The following PTPRE variants were observed in gnomAD, a reference collection of about 807,000 sequenced individuals.
PTPRE encodes protein tyrosine phosphatase receptor type E.
A neutral mutation model predicts 102.0 loss-of-function variants in PTPRE; 51 were observed. That is an observed-to-expected ratio of 0.50 (90% CI 0.40 to 0.63). The LOEUF (loss-of-function observed/expected upper bound fraction) is 0.63, where lower values mean the gene tolerates loss of function less well. Ranked by LOEUF, PTPRE falls within the 30% of genes least tolerant of loss-of-function variation. The pLI, the probability that PTPRE is intolerant of heterozygous loss-of-function variation, is 0.00. For missense variants in PTPRE, 752 were observed against 915.1 expected (o/e 0.82, Z 2.30); for synonymous variants, 345 against 348.2 (o/e 0.99, Z 0.10).
At chr10:127,920,947 A>T (rs7901261) in intron 1 of PTPRE, among the ~76,000 whole-genome samples, 16,606 of 152,186 alleles carry the variant, frequency 0.11, 1,224 homozygotes, top group African/African-American at 0.2. Context: ...CAACCCAGAC[A>T]TGAGTCTCCT....
intron 1 of PTPRE, among the ~76,000 whole-genome samples, chr10:127,938,011 A>G (rs1847957806): frequency 6.6e-6 from 1 of 152,202 alleles, no homozygotes; most frequent in South Asian, 2.1e-4. Context: ...TTTTTAAAAA[A>G]AGAAAGAAGG....
intron 1 of PTPRE, among the ~76,000 whole-genome samples, chr10:127,913,749 G>GGAGCTC (rs899095655): frequency 5.3e-5 from 8 of 152,110 alleles, no homozygotes; most frequent in Non-Finnish European, 1.0e-4. Flanking sequence ...GAAACTCTAG[G>GGAGCTC]GAGCTCCAGC....
intron 1 of PTPRE, among the ~76,000 whole-genome samples, chr10:127,954,597 C>T (rs1479441220): frequency 6.6e-6 from 1 of 152,160 alleles, no homozygotes; most frequent in Non-Finnish European, 1.5e-5. Flanking sequence ...TTCTTCATCA[C>T]CTTGAAGCAG....
chr10:128,028,838 G>C lies in PTPRE; in HGVS notation c.-7-12037G>C, dbSNP rs1262687026. ...GGCCACTCACTTCCACCCTGCCCCG[G>C]CCCAGCCCTGGCCACCCCAGACGTC... On this transcript the variant is annotated intron_variant, in intron 2 of 20. Coordinates refer to ENST00000254667, the MANE Select transcript of PTPRE (RefSeq NM_006504.6). The surrounding 1 kb of genome is among the most constrained non-coding windows in gnomAD (Gnocchi z 4.5). Among the ~76,000 whole-genome samples, 1 of 152,078 alleles carries C rather than the reference G, an allele frequency of 6.6e-6. No homozygotes were observed. Among genetic ancestry groups the C allele is most frequent in the Admixed American group, 6.6e-5 (1 of 15,258 alleles).
At chr10:128,009,240 T>C (rs944798946) in intron 2 of PTPRE, among the ~76,000 whole-genome samples, 1 of 152,228 alleles carries the variant, frequency 6.6e-6, no homozygotes, top group Non-Finnish European at 1.5e-5. Flanking sequence ...TGTCAGTGCA[T>C]AATAAGAGAA....
At chr10:128,006,459 G>A (rs1324722143) in intron 2 of PTPRE, among the ~76,000 whole-genome samples, 2 of 152,312 alleles carry the variant, frequency 1.3e-5, no homozygotes, top group Non-Finnish European at 2.9e-5. Flanking sequence ...TCTGTTTCCT[G>A]TCTGAACTAA....
At chr10:128,006,405 C>T (rs958833997) in intron 2 of PTPRE, among the ~76,000 whole-genome samples, 1 of 152,218 alleles carries the variant, frequency 6.6e-6, no homozygotes, top group Admixed American at 6.5e-5. Flanking sequence ...GTAGGTGCCT[C>T]TCAGGTACTT....
chr10:127,931,026 C>T (rs1397482836), intron 1 of PTPRE, among the ~76,000 whole-genome samples: 1 of 152,008 alleles, frequency 6.6e-6, no homozygotes, highest in Non-Finnish European at 1.5e-5. Flanking sequence ...CTCCTGACCT[C>T]GTGATCCACC....
At chr10:128,067,691 C>G (rs1020661110) in intron 11 of PTPRE, among the ~76,000 whole-genome samples, 1 of 152,226 alleles carries the variant, frequency 6.6e-6, no homozygotes, top group Non-Finnish European at 1.5e-5. Flanking sequence ...AAAGAGCAGG[C>G]CGACTGCATC....
chr10:127,937,784 A>G (rs539665639), intron 1 of PTPRE, among the ~76,000 whole-genome samples: 1 of 152,202 alleles, frequency 6.6e-6, no homozygotes, highest in East Asian at 1.9e-4. Context: ...GCTTGAACCC[A>G]GGAGGCTGAG....
intron 1 of PTPRE, among the ~76,000 whole-genome samples, chr10:127,955,539 CCT>C (rs1849343663): frequency 6.6e-6 from 1 of 152,126 alleles, no homozygotes. Flanking sequence ...TATTTTCATT[CCT>C]CTCTTATTCT....
At chr10:128,026,114 CCTGACT>C (rs1438712316) in intron 2 of PTPRE, among the ~76,000 whole-genome samples, 1 of 152,202 alleles carries the variant, frequency 6.6e-6, no homozygotes, top group East Asian at 1.9e-4. Flanking sequence ...GGCTATGTGG[CCTGACT>C]CTGCACGGCC....
At chr10:128,039,989 A>G (rs1008781629) in intron 2 of PTPRE, among the ~76,000 whole-genome samples, 8 of 152,082 alleles carry the variant, frequency 5.3e-5, no homozygotes, top group Non-Finnish European at 1.0e-4. Context: ...GATGGCCCAC[A>G]GGTCCTCAGC....
At chr10:127,931,585 C>T (rs1338452195) in intron 1 of PTPRE, among the ~76,000 whole-genome samples, 5 of 152,318 alleles carry the variant, frequency 3.3e-5, no homozygotes, top group South Asian at 2.1e-4. Flanking sequence ...ATGCCCCCTT[C>T]CCAGGAGCAG....
At chr10:127,992,858 T>G (rs1310172790) in intron 2 of PTPRE, among the ~76,000 whole-genome samples, 1 of 152,218 alleles carries the variant, frequency 6.6e-6, no homozygotes, top group Non-Finnish European at 1.5e-5. Flanking sequence ...GCCCAGGCAT[T>G]TGTAATAACC....
At chr10:127,932,504 C>T (rs1847519284) in intron 1 of PTPRE, among the ~76,000 whole-genome samples, 2 of 152,230 alleles carry the variant, frequency 1.3e-5, no homozygotes, top group South Asian at 2.1e-4. Flanking sequence ...AAGGGCTGCA[C>T]GGAGTTTCTC....
rs149454747 is a variant in PTPRE, at chr10:127,922,088, G to C, written c.-31+14779G>C. ...TTTAAGAGCTGCTTTTTGAAAGAAG[G>C]CTACTGGAGAAAGGCTAACTAAATA... On this transcript the variant is annotated intron_variant, in intron 1 of 20. Transcript: ENST00000254667. Among the ~76,000 whole-genome samples the C allele has an allele frequency of 1.3e-4, 20 of 152,346 alleles. No homozygotes were observed. In the East Asian group the frequency reaches 3.9e-3, roughly 29 times the overall value.
intron 1 of PTPRE, among the ~76,000 whole-genome samples, chr10:127,955,865 G>A (rs1849365066): frequency 6.6e-6 from 1 of 152,128 alleles, no homozygotes; most frequent in Non-Finnish European, 1.5e-5. Context: ...TCACGTGGTG[G>A]CAGGAAAGAG....
At chr10:127,913,050 G>A (rs1241043563) in intron 1 of PTPRE, among the ~76,000 whole-genome samples, 2 of 152,246 alleles carry the variant, frequency 1.3e-5, no homozygotes, top group African/African-American at 4.8e-5. Flanking sequence ...ATGAGACTGA[G>A]GCTCTGGACA....
Sources: allele counts gnomAD v4.1 joint callset (sites outside exome capture counted in the v4.1 genomes callset), GRCh38; gene constraint gnomAD v4.1.1; non-coding constraint Gnocchi (gnomAD v3.1); transcripts MANE v1.5; gene names NCBI Gene and HGNC (gene_info 2026-07-23, HGNC 2026-07-21).